Variants in TRABD2B observed in about 807,000 individuals in gnomAD.
TRABD2B encodes metalloprotease TIKI2.
In TRABD2B, 14 loss-of-function variants were observed where a neutral mutation model predicts 40.1. The observed-to-expected ratio is 0.35, with a 90% CI of 0.23 to 0.55. TRABD2B has a LOEUF of 0.55. Ranked by LOEUF, TRABD2B falls within the 20% of genes least tolerant of loss-of-function variation. The probability of loss-of-function intolerance (pLI) is 0.90; values close to 1 mark genes in which losing one functional copy is unlikely to be tolerated. For missense variants in TRABD2B, 541 were observed against 648.6 expected (o/e 0.83, Z 1.80); for synonymous variants, 263 against 277.0 (o/e 0.95, Z 0.50).
chr1:47,909,802 T>TCCCCCCCCCCCCCCCCCC (rs1644736396), intron 2 of TRABD2B, among the ~76,000 whole-genome samples: 4 of 74,274 alleles, frequency 5.4e-5, no homozygotes, highest in Admixed American at 1.4e-4. Flanking sequence ...CCCCCCCCCT[T>TCCCCCCCCCCCCCCCCCC]CCTCCCTTCC....
chr1:47,991,437 C>T (rs1456431461), intron 2 of TRABD2B, among the ~76,000 whole-genome samples: 2 of 152,096 alleles, frequency 1.3e-5, no homozygotes, highest in Non-Finnish European at 2.9e-5. Flanking sequence ...TGCCCAAGGT[C>T]ACATAGCAAA....
At chr1:47,862,648 G>A (rs1643990388) in intron 2 of TRABD2B, among the ~76,000 whole-genome samples, 1 of 152,170 alleles carries the variant, frequency 6.6e-6, no homozygotes, top group Non-Finnish European at 1.5e-5. Flanking sequence ...TTTTCAAGAT[G>A]TCAGGTCTTC....
intron 2 of TRABD2B, among the ~76,000 whole-genome samples, chr1:47,875,174 G>A (rs1570180052): frequency 6.6e-6 from 1 of 151,906 alleles, no homozygotes; most frequent in East Asian, 1.9e-4. Context: ...AAGGAGATCA[G>A]CCCCTCCCAG....
intron 2 of TRABD2B, among the ~76,000 whole-genome samples, chr1:47,902,398 C>G (rs1295340163): frequency 6.6e-6 from 1 of 152,108 alleles, no homozygotes; most frequent in African/African-American, 2.4e-5. Flanking sequence ...AGAGAAGAAC[C>G]GAGACCCACG....
intron 2 of TRABD2B, among the ~76,000 whole-genome samples, chr1:47,838,205 C>G: frequency 6.6e-6 from 1 of 152,234 alleles, no homozygotes; most frequent in Non-Finnish European, 1.5e-5. Context: ...TCAGACACAT[C>G]CATGGCTGGT....
chr1:47,929,593 A>G (rs564370366), intron 2 of TRABD2B, among the ~76,000 whole-genome samples: 33 of 152,242 alleles, frequency 2.2e-4, no homozygotes, highest in Non-Finnish European at 3.8e-4. Context: ...GTGTCCTAGC[A>G]CCTACCAATC....
At chr1:47,833,430 G>C (rs1645276290) in intron 2 of TRABD2B, among the ~76,000 whole-genome samples, 1 of 152,246 alleles carries the variant, frequency 6.6e-6, no homozygotes, top group African/African-American at 2.4e-5. Flanking sequence ...TAGGGCAGTA[G>C]CATTTGGTTG....
chr1:47,888,686 G>C (rs1644405797), intron 2 of TRABD2B, among the ~76,000 whole-genome samples: 1 of 152,130 alleles, frequency 6.6e-6, no homozygotes, highest in Non-Finnish European at 1.5e-5. Context: ...AGCCTCCTCT[G>C]TAGGTAGAGA....
At chr1:47,909,831 G>T (rs550684918) in intron 2 of TRABD2B, among the ~76,000 whole-genome samples, 103,740 of 103,762 alleles carry the variant, frequency 1, 51,859 homozygotes, top group Middle Eastern at 1. Context: ...TTCCTTTCTT[G>T]CTTTCTTTCT....
At chr1:47,873,694 T>A (rs573370551) in intron 2 of TRABD2B, among the ~76,000 whole-genome samples, 1 of 152,286 alleles carries the variant, frequency 6.6e-6, no homozygotes, top group African/African-American at 2.4e-5. Context: ...TGCACGGTCT[T>A]GGTGGCCCTG....
chr1:47,814,099 C>T (rs1644999696), intron 2 of TRABD2B, among the ~76,000 whole-genome samples: 1 of 152,204 alleles, frequency 6.6e-6, no homozygotes. Flanking sequence ...CACACATTTG[C>T]CACACAGAAG....
chr1:47,842,202 C>T (rs1295217746), intron 2 of TRABD2B, among the ~76,000 whole-genome samples: 1 of 152,194 alleles, frequency 6.6e-6, no homozygotes, highest in Non-Finnish European at 1.5e-5. Flanking sequence ...GAGCTTTTCC[C>T]CATCTAGACT....
intron 2 of TRABD2B, among the ~76,000 whole-genome samples, chr1:47,878,939 A>T (rs904593151): frequency 6.2e-5 from 9 of 145,878 alleles, no homozygotes; most frequent in African/African-American, 2.3e-4. Context: ...TCTACAAAAG[A>T]TTTTTTTTTT....
intron 2 of TRABD2B, among the ~76,000 whole-genome samples, chr1:47,971,381 G>T (rs190004824): frequency 6.6e-6 from 1 of 152,206 alleles, no homozygotes; most frequent in Non-Finnish European, 1.5e-5. Flanking sequence ...GGGAAAACCC[G>T]TGGAAAGCCA....
At position 47,983,480 on chromosome 1, in the gene TRABD2B, A is replaced by G. The variant is rs914128196; in HGVS notation, c.666+10554T>C. On this transcript the variant is annotated intron_variant, in intron 2 of 6. Transcript: ENST00000606738. ...AACCTGCACATGTACCCCTGAACCT[A>G]AAAGTTTAAAAAAAAAATGACAGTC... Among the ~76,000 whole-genome samples, 43 of 152,124 alleles carry G rather than the reference A, an allele frequency of 2.8e-4. 1 individual carries two copies. Among genetic ancestry groups the G allele is most frequent in the African/African-American group, 9.9e-4 (41 of 41,412 alleles).
chr1:47,903,134 C>T (rs911695724), intron 2 of TRABD2B, among the ~76,000 whole-genome samples: 4 of 152,184 alleles, frequency 2.6e-5, no homozygotes, highest in African/African-American at 9.7e-5. Flanking sequence ...CTGGTCATGG[C>T]ACTCACTGTG....
At chr1:47,807,810 C>G (rs375532191) in intron 2 of TRABD2B, among the ~76,000 whole-genome samples, 15 of 152,318 alleles carry the variant, frequency 9.8e-5, no homozygotes, top group African/African-American at 2.9e-4. Context: ...TTTGCATCCT[C>G]TTCTGGGGAA....
At chr1:47,771,362 C>G (rs1644375910) in intron 6 of TRABD2B, among the ~76,000 whole-genome samples, 1 of 152,224 alleles carries the variant, frequency 6.6e-6, no homozygotes, top group African/African-American at 2.4e-5. Context: ...GGCTCTGTAT[C>G]TGTCTTGTCA....
chr1:47,899,408 T>C (rs1644568194), intron 2 of TRABD2B, among the ~76,000 whole-genome samples: 1 of 152,234 alleles, frequency 6.6e-6, no homozygotes, highest in African/African-American at 2.4e-5. Context: ...GCTTCTGGTT[T>C]AGCCCCTTCT....
Sources: gnomAD v4.1 joint callset for allele counts (sites outside exome capture counted in the v4.1 genomes callset) on GRCh38, gnomAD v4.1.1 for gene constraint, MANE v1.5 for transcripts, NCBI Gene and HGNC (gene_info 2026-07-23, HGNC 2026-07-21) for gene names.